The following KALRN variants were observed in gnomAD, a reference collection of about 807,000 sequenced individuals.
The protein encoded by KALRN is kalirin RhoGEF kinase.
A neutral mutation model predicts 353.7 loss-of-function variants in KALRN; 70 were observed. The ratio of observed to expected loss-of-function variants is 0.20; its 90% CI spans 0.16 to 0.24. KALRN has a LOEUF of 0.24. KALRN is among the 10% of genes least tolerant of loss of function. The pLI, the probability that KALRN is intolerant of heterozygous loss-of-function variation, is 1.00. For synonymous variants in KALRN, 1,391 were observed against 1,434.8 expected (o/e 0.97, Z 0.69); for missense variants, 2,791 against 3,756.7 (o/e 0.74, Z 6.72).
chr3:124,065,879 G>A (rs1234602013), intron 1 of KALRN, among the ~76,000 whole-genome samples: 1 of 152,174 alleles, frequency 6.6e-6, no homozygotes, highest in East Asian at 1.9e-4. Flanking sequence ...ACCATCTCAG[G>A]AAGTTGAGAT....
intron 25 of KALRN, among the ~76,000 whole-genome samples, chr3:124,467,966 G>C (rs76793601): frequency 0.16 from 24,325 of 151,892 alleles, 2,474 homozygotes; most frequent in Non-Finnish European, 0.23. Context: ...AGGTAGTCAG[G>C]CAGGTAGGTA....
intron 1 of KALRN, among the ~76,000 whole-genome samples, chr3:124,192,169 G>A (rs2074986094): frequency 6.6e-6 from 1 of 152,206 alleles, no homozygotes; most frequent in African/African-American, 2.4e-5. Context: ...CCTTTAAACA[G>A]GTGATTAGAG....
chr3:124,495,731 A>G (rs2063638417), intron 32 of KALRN, among the ~76,000 whole-genome samples: 1 of 139,956 alleles, frequency 7.1e-6, no homozygotes, highest in Non-Finnish European at 1.6e-5. Context: ...CTCCATCTTA[A>G]AAAAAAAAAA....
chr3:124,692,235 G>A (rs2061850728), intron 51 of KALRN, among the ~76,000 whole-genome samples: 1 of 152,232 alleles, frequency 6.6e-6, no homozygotes, highest in Non-Finnish European at 1.5e-5. Flanking sequence ...AAGCAGAGGT[G>A]TAAGTGGTCT....
At chr3:124,094,793 G>A in intron 1 of KALRN, 13 of 1,556,004 alleles carry the variant, frequency 8.4e-6, no homozygotes, top group Non-Finnish European at 1.2e-5. Flanking sequence ...GGTGGGATGA[G>A]GCTCTGCCGA....
At chr3:124,718,070 C>A (rs1673900128) in intron 59 of KALRN, among the ~76,000 whole-genome samples, 1 of 151,830 alleles carries the variant, frequency 6.6e-6, no homozygotes, top group African/African-American at 2.4e-5. Context: ...CCTTGGCCTC[C>A]CAAAGTGCTG....
At chr3:124,539,914 A>AT (rs199686976) in intron 33 of KALRN, among the ~76,000 whole-genome samples, 1,197 of 97,404 alleles carry the variant, frequency 0.012, 6 homozygotes, top group Non-Finnish European at 0.015. Context: ...CACCAAGCTA[A>AT]TTTTTTTTGG....
At chr3:124,273,824 T>C (rs2074417754) in intron 5 of KALRN, among the ~76,000 whole-genome samples, 1 of 152,230 alleles carries the variant, frequency 6.6e-6, no homozygotes, top group Admixed American at 6.5e-5. Flanking sequence ...CCGGGCGCCC[T>C]CTGGTCTATA....
At chr3:124,193,820 G>A (rs2075172600) in intron 1 of KALRN, among the ~76,000 whole-genome samples, 1 of 152,000 alleles carries the variant, frequency 6.6e-6, no homozygotes, top group South Asian at 2.1e-4. Context: ...AGCTCACAAA[G>A]TATATCTATT....
At position 124,720,123 on chromosome 3, in the gene KALRN, G is replaced by A. The variant is rs976936433; in HGVS notation, c.*653G>A. ...TTTTTTAGAGCATTTTATAGATCTT[G>A]TATAGAAATCTTTTACCAGAACCTG... On this transcript the variant is annotated 3_prime_UTR_variant, in exon 60 of 60. Transcript: ENST00000682506. 1 of 152,574 alleles carries A rather than the reference G, an allele frequency of 6.6e-6. No homozygotes were observed. The highest frequency in any genetic ancestry group is 2.4e-5 in the African/African-American group (1 of 41,430). The allele number at this position is 152,574 out of a possible 1,614,324, so 9.5% of individuals were successfully genotyped here.
intron 33 of KALRN, among the ~76,000 whole-genome samples, chr3:124,538,128 G>A (rs549427452): frequency 8.5e-5 from 13 of 152,206 alleles, no homozygotes; most frequent in Non-Finnish European, 1.6e-4. Context: ...CATATACCAT[G>A]AGGCAAAAAC....
chr3:124,272,347 T>C (rs1178627186), intron 5 of KALRN, among the ~76,000 whole-genome samples: 1 of 152,226 alleles, frequency 6.6e-6, no homozygotes, highest in Non-Finnish European at 1.5e-5. Flanking sequence ...TGTGTTTCTA[T>C]TGGAGTCAGA....
chr3:124,375,964 A>C (rs2086533369), intron 10 of KALRN, among the ~76,000 whole-genome samples: 1 of 152,206 alleles, frequency 6.6e-6, no homozygotes, highest in Admixed American at 6.5e-5. Flanking sequence ...ACACGGTTGG[A>C]CTGTAGGAAA....
intron 5 of KALRN, among the ~76,000 whole-genome samples, chr3:124,288,072 G>A (rs2076110799): frequency 6.6e-6 from 1 of 151,640 alleles, no homozygotes; most frequent in Admixed American, 6.6e-5. Flanking sequence ...ATGGGGTTTC[G>A]CCTTGTTGGC....
chr3:124,271,021 C>T (rs770813161), intron 5 of KALRN, among the ~76,000 whole-genome samples: 4 of 151,788 alleles, frequency 2.6e-5, no homozygotes, highest in Non-Finnish European at 5.9e-5. Context: ...TTAGTAGAGA[C>T]GGGGTTTCAC....
intron 34 of KALRN, chr3:124,584,960 C>A: frequency 1.3e-6 from 2 of 1,551,746 alleles, no homozygotes; most frequent in South Asian, 2.4e-5. Context: ...TGGTCGCGCT[C>A]AGCGCGAGGG....
intron 1 of KALRN, among the ~76,000 whole-genome samples, chr3:124,141,723 C>A (rs1443777987): frequency 6.6e-6 from 1 of 152,212 alleles, no homozygotes; most frequent in East Asian, 1.9e-4. Flanking sequence ...TGCGTTCTCA[C>A]CTTCCTTTCA....
chr3:124,412,309 A>C (rs538368339), intron 13 of KALRN, among the ~76,000 whole-genome samples: 1 of 152,300 alleles, frequency 6.6e-6, no homozygotes, highest in East Asian at 1.9e-4. Flanking sequence ...CAGCATCATG[A>C]AAACCACTCA....
chr3:124,182,462 G>T (rs995998035), intron 1 of KALRN, among the ~76,000 whole-genome samples: 4 of 152,202 alleles, frequency 2.6e-5, no homozygotes, highest in African/African-American at 9.6e-5. Context: ...TCTGGTCTTT[G>T]TTATGTGGGC....
Sources: gnomAD v4.1 joint callset for allele counts (sites outside exome capture counted in the v4.1 genomes callset) on GRCh38, gnomAD v4.1.1 for gene constraint, MANE v1.5 for transcripts, NCBI Gene and HGNC (gene_info 2026-07-23, HGNC 2026-07-21) for gene names.